Variants in ARMC9 observed in about 807,000 individuals in gnomAD.
ARMC9 encodes the protein lisH domain-containing protein ARMC9.
ARMC9 carries 94 observed loss-of-function variants against 107.0 expected under a neutral mutation model. The observed-to-expected ratio is 0.88, with a 90% CI of 0.74 to 1.04. The LOEUF is 1.04. ARMC9 is among the 50% of genes least tolerant of loss of function. ARMC9 has a pLI of 0.00. For missense variants in ARMC9, 942 were observed against 1,030.1 expected, an observed-to-expected ratio of 0.91 and a Z score of 1.17; for synonymous variants, 380 against 396.9, an observed-to-expected ratio of 0.96 and a Z score of 0.51.
At chr2:231,216,540 A>G (rs935374986) in intron 4 of ARMC9, 98 bp from the exon 5 acceptor site, 91 of 1,369,782 alleles carry the variant, frequency 6.6e-5, no homozygotes, top group Non-Finnish European at 8.4e-5. Context: ...TGCCAGCGAC[A>G]CGACTGGGAC....
chr2:231,264,983 A>G (rs991361686), intron 12 of ARMC9, among the ~76,000 whole-genome samples: 2 of 152,118 alleles, frequency 1.3e-5, no homozygotes. Context: ...CTGTAATCCC[A>G]GCTACCCAGG....
intron 1 of ARMC9, among the ~76,000 whole-genome samples, chr2:231,199,187 G>A (rs1428173188): frequency 6.6e-6 from 1 of 152,166 alleles, no homozygotes; most frequent in African/African-American, 2.4e-5. Flanking sequence ...CCGTTTGTGG[G>A]CCCTAAATCT....
At chr2:231,290,582 A>C (rs891437113) in intron 17 of ARMC9, among the ~76,000 whole-genome samples, 1 of 152,210 alleles carries the variant, frequency 6.6e-6, no homozygotes, top group Non-Finnish European at 1.5e-5. Flanking sequence ...GACTCATTCA[A>C]ATCCTGCCAG....
intron 19 of ARMC9, among the ~76,000 whole-genome samples, chr2:231,329,556 A>G (rs1365299051): frequency 6.6e-6 from 1 of 152,058 alleles, no homozygotes; most frequent in Non-Finnish European, 1.5e-5. Flanking sequence ...TGATCCGCCC[A>G]TCTCAGCCTC....
At chr2:231,219,720 T>C (rs1182056367) in intron 5 of ARMC9, among the ~76,000 whole-genome samples, 1 of 152,208 alleles carries the variant, frequency 6.6e-6, no homozygotes, top group African/African-American at 2.4e-5. Flanking sequence ...ATCATTCTCT[T>C]TATTATCTCC....
chr2:231,204,013 C>A (rs887150269), intron 1 of ARMC9, among the ~76,000 whole-genome samples: 4 of 151,154 alleles, frequency 2.6e-5, no homozygotes, highest in African/African-American at 7.3e-5. Flanking sequence ...AATGAAAAAA[C>A]CAGAAAACAA....
rs148432759 is a variant in ARMC9, at chr2:231,250,738, T to C, written c.880-5848T>C. 4.2e-3 allele frequency among the ~76,000 whole-genome samples: 634 copies of C among 152,142 alleles called. 9 individuals carry two copies. The highest frequency in any genetic ancestry group is 0.014 in the African/African-American group (569 of 41,502). Reference sequence around the variant, plus strand: ...GGGGCCTGGGTTGAGGCTGAGCAGATGCGATTTTTACAAAGACCCCTGTGT... The same window carrying C: ...GGGGCCTGGGTTGAGGCTGAGCAGACGCGATTTTTACAAAGACCCCTGTGT... On this transcript the variant is annotated intron_variant, in intron 9 of 24. Transcript: ENST00000611582.
At chr2:231,204,451 C>T (rs1434529605) in intron 1 of ARMC9, among the ~76,000 whole-genome samples, 1 of 152,142 alleles carries the variant, frequency 6.6e-6, no homozygotes, top group East Asian at 1.9e-4. Context: ...GCTGAAATGT[C>T]ACATTCCCAG....
intron 19 of ARMC9, among the ~76,000 whole-genome samples, chr2:231,317,466 C>T (rs746233821): frequency 6.6e-6 from 1 of 152,032 alleles, no homozygotes; most frequent in Non-Finnish European, 1.5e-5. Flanking sequence ...CCACTGCACC[C>T]GGCCTGGAAC....
At chr2:231,221,210 C>T (rs1454036438) in intron 5 of ARMC9, among the ~76,000 whole-genome samples, 2 of 152,212 alleles carry the variant, frequency 1.3e-5, no homozygotes, top group East Asian at 1.9e-4. Context: ...TGTTCTGTGA[C>T]TGTGGCAGCA....
chr2:231,322,280 C>T (rs561234438), intron 19 of ARMC9, among the ~76,000 whole-genome samples: 20 of 152,370 alleles, frequency 1.3e-4, no homozygotes, highest in East Asian at 5.8e-4. Context: ...CAGCGCCTCA[C>T]GCTGCCTGGC....
chr2:231,255,829 A>G lies in ARMC9; in HGVS notation c.880-757A>G, dbSNP rs1248824543. Among the ~76,000 whole-genome samples, 1 of 152,168 alleles carries G rather than the reference A, an allele frequency of 6.6e-6. No individual in the cohort carries two copies. Among genetic ancestry groups the G allele is most frequent in the African/African-American group, 2.4e-5 (1 of 41,442 alleles). ...GAGGTGGGCGGATCACGAGGTCAGG[A>G]GATTGAGACCATCCTGGCTAACACG... On this transcript the variant is annotated intron_variant, in intron 9 of 24. Transcript: ENST00000611582. This position sits in a 1 kb window ranked among gnomAD's most constrained non-coding sequence, Gnocchi z 4.7.
intron 19 of ARMC9, among the ~76,000 whole-genome samples, chr2:231,330,312 C>T (rs1209195448): frequency 6.6e-6 from 1 of 150,424 alleles, no homozygotes; most frequent in Non-Finnish European, 1.5e-5. Flanking sequence ...CTAATTACTG[C>T]CAGGTTTGAG....
At chr2:231,211,460 A>G (rs1280160190) in intron 3 of ARMC9, among the ~76,000 whole-genome samples, 1 of 151,714 alleles carries the variant, frequency 6.6e-6, no homozygotes, top group Non-Finnish European at 1.5e-5. Flanking sequence ...TGAACCTGGG[A>G]GGCAGAGGTT....
At chr2:231,272,392 G>A (rs920488970) in intron 13 of ARMC9, among the ~76,000 whole-genome samples, 5 of 152,002 alleles carry the variant, frequency 3.3e-5, no homozygotes, top group African/African-American at 4.8e-5. Flanking sequence ...ATGAGGTTAC[G>A]CCCTGTTGCC....
chr2:231,307,324 G>A (rs2042089598), intron 19 of ARMC9, among the ~76,000 whole-genome samples: 1 of 152,198 alleles, frequency 6.6e-6, no homozygotes, highest in African/African-American at 2.4e-5. Context: ...TTCCCTACTT[G>A]TCTGGCACCT....
rs1167233199 is a variant in ARMC9 at position 231,372,508 on chromosome 2, T to C, written c.*973T>C. 6.6e-6 allele frequency: 1 copy of C among 152,246 alleles called. No homozygotes were observed. The highest frequency in any genetic ancestry group is 1.5e-5 in the Non-Finnish European group (1 of 68,120). The allele number at this position is 152,246 out of a possible 1,614,324, so 9.4% of individuals were successfully genotyped here. On this transcript the variant is annotated 3_prime_UTR_variant, in exon 25 of 25. Transcript: ENST00000611582. ...TGCCTCCCTCCCTGCACTGGGACCA[T>C]AAACATAAACAGCTCTACCAGCAAA...
Position 231,345,022 on chromosome 2 carries a change from G to A in ARMC9, c.1926G>A (p.Val642=). 6.2e-7 allele frequency: 1 copy of A among 1,614,148 alleles called. No homozygotes were observed. Among genetic ancestry groups the A allele is most frequent in the Non-Finnish European group, 8.5e-7 (1 of 1,180,028 alleles). Residue 642 remains valine (V), a synonymous_variant, in exon 21 of 25, where the codon GTG becomes GTA. Coordinates refer to ENST00000611582, the MANE Select transcript of ARMC9 (RefSeq NM_001352754.2). The part of the protein sequence containing the change: ...GKTRRKGLAN[V]QWSGDEPLQR... ...CAAGGCGGAAGGGGCTGGCTAATGT[G>A]CAGTGGAGCGGGGATGAGCCCCTGC...
At chr2:231,318,037 A>G (rs2042799609) in intron 19 of ARMC9, among the ~76,000 whole-genome samples, 1 of 148,970 alleles carries the variant, frequency 6.7e-6, no homozygotes, top group South Asian at 2.1e-4. Context: ...CCCCAAGGAC[A>G]GGTCACGCTT....
Sources: gnomAD v4.1 joint callset for allele counts (sites outside exome capture counted in the v4.1 genomes callset) on GRCh38, gnomAD v4.1.1 for gene constraint, Gnocchi (gnomAD v3.1) non-coding constraint, MANE v1.5 for transcripts, NCBI Gene and HGNC (gene_info 2026-07-23, HGNC 2026-07-21) for gene names.